ACOXL: variants seen among roughly 807,000 people sequenced by gnomAD.
ACOXL encodes the protein acyl-CoA oxidase like, also known as acyl-coenzyme A oxidase-like protein.
ACOXL carries 70 observed loss-of-function variants against 71.9 expected under a neutral mutation model. The ratio of observed to expected loss-of-function variants is 0.97; its 90% CI spans 0.80 to 1.19. The LOEUF is 1.19. Among genes scored for constraint, ACOXL ranks in the 50% most tolerant of loss-of-function variants. ACOXL has a pLI of 0.00. For synonymous variants in ACOXL, 253 were observed against 281.6 expected (o/e 0.90, Z 1.02); for missense variants, 703 against 736.3 (o/e 0.95, Z 0.52).
intron 10 of ACOXL, among the ~76,000 whole-genome samples, chr2:110,855,344 A>G (rs1693103607): frequency 6.6e-6 from 1 of 152,206 alleles, no homozygotes; most frequent in African/African-American, 2.4e-5. Flanking sequence ...TGTTTTAGAG[A>G]TAAGGGCACT....
chr2:110,945,714 G>A (rs571896494), intron 12 of ACOXL, among the ~76,000 whole-genome samples: 1 of 152,214 alleles, frequency 6.6e-6, no homozygotes, highest in East Asian at 1.9e-4. Context: ...GTCTGTTTTT[G>A]TACCAGTACC....
intron 9 of ACOXL, among the ~76,000 whole-genome samples, chr2:110,815,628 T>C (rs1223054616): frequency 1.3e-5 from 2 of 152,192 alleles, no homozygotes; most frequent in South Asian, 2.1e-4. Context: ...TCCAGATTAT[T>C]ACATGGTTTG....
At chr2:110,895,068 G>C (rs1216547561) in intron 10 of ACOXL, among the ~76,000 whole-genome samples, 2 of 152,194 alleles carry the variant, frequency 1.3e-5, no homozygotes, top group East Asian at 3.9e-4. Context: ...AAAATCAATA[G>C]GTGCTAACAC....
chr2:110,928,552 A>G (rs1028428810), intron 11 of ACOXL, among the ~76,000 whole-genome samples: 1 of 152,220 alleles, frequency 6.6e-6, no homozygotes, highest in Admixed American at 6.5e-5. Flanking sequence ...CTTATTGCCA[A>G]AAAGTCTTGT....
intron 10 of ACOXL, among the ~76,000 whole-genome samples, chr2:110,849,200 C>T (rs763942344): frequency 5.9e-5 from 9 of 152,192 alleles, no homozygotes; most frequent in African/African-American, 1.4e-4. Context: ...GAAAGGCAGG[C>T]GGCATCCCTG....
intron 11 of ACOXL, among the ~76,000 whole-genome samples, chr2:110,923,896 A>G (rs968824382): frequency 9.9e-5 from 15 of 151,618 alleles, no homozygotes; most frequent in African/African-American, 3.6e-4. Context: ...AGAACACACC[A>G]TTGTCATCTA....
chr2:110,930,861 C>T (rs1416820081), intron 11 of ACOXL, among the ~76,000 whole-genome samples: 1 of 152,136 alleles, frequency 6.6e-6, no homozygotes, highest in East Asian at 1.9e-4. Flanking sequence ...TGAGCCCTTC[C>T]CTTGTGAAAC....
At chr2:111,033,512 C>G (rs1300106190) in intron 15 of ACOXL, among the ~76,000 whole-genome samples, 1 of 152,178 alleles carries the variant, frequency 6.6e-6, no homozygotes, top group East Asian at 1.9e-4. Context: ...GTCCTCAGGC[C>G]TGGCTGGAGA....
At chr2:110,784,458 G>T (rs752769236) in intron 2 of ACOXL, among the ~76,000 whole-genome samples, 3 of 152,138 alleles carry the variant, frequency 2.0e-5, no homozygotes, top group Non-Finnish European at 4.4e-5. Context: ...CGAGTCGGTC[G>T]CAGGGTTGCA....
intron 16 of ACOXL, among the ~76,000 whole-genome samples, chr2:111,050,342 A>G (rs2066232350): frequency 6.6e-6 from 1 of 152,062 alleles, no homozygotes; most frequent in Admixed American, 6.6e-5. Flanking sequence ...TTGTCTGGGA[A>G]CCCTGATTTT....
intron 11 of ACOXL, among the ~76,000 whole-genome samples, chr2:110,909,937 G>A (rs1030914273): frequency 1.3e-5 from 2 of 151,934 alleles, no homozygotes; most frequent in Admixed American, 6.6e-5. Flanking sequence ...AAAATTAAAA[G>A]CACTTGCTTC....
intron 12 of ACOXL, among the ~76,000 whole-genome samples, chr2:110,954,507 C>T (rs2061429671): frequency 6.6e-6 from 1 of 152,084 alleles, no homozygotes; most frequent in South Asian, 2.1e-4. Context: ...TTTGTGGCCA[C>T]CCTAGCAATT....
intron 14 of ACOXL, among the ~76,000 whole-genome samples, chr2:111,012,923 A>T (rs1212534587): frequency 6.6e-6 from 1 of 152,230 alleles, no homozygotes; most frequent in African/African-American, 2.4e-5. Context: ...CAAAATCAGT[A>T]GAATAAAGGT....
intron 10 of ACOXL, among the ~76,000 whole-genome samples, chr2:110,886,046 C>G (rs551819913): frequency 3.3e-5 from 5 of 152,144 alleles, no homozygotes; most frequent in Admixed American, 2.6e-4. Flanking sequence ...ATTATTTTGT[C>G]CAGAAGTATA....
At chr2:110,755,590 T>A (rs1248145696) in intron 1 of ACOXL, among the ~76,000 whole-genome samples, 1 of 152,232 alleles carries the variant, frequency 6.6e-6, no homozygotes, top group Non-Finnish European at 1.5e-5. Flanking sequence ...ATTTAGATAT[T>A]ATTATTATGA....
chr2:110,841,948 A>C (rs1464723469), intron 10 of ACOXL, among the ~76,000 whole-genome samples: 1 of 152,108 alleles, frequency 6.6e-6, no homozygotes, highest in Non-Finnish European at 1.5e-5. Context: ...TCCCCTTTGC[A>C]TGTGTCAAAA....
intron 10 of ACOXL, among the ~76,000 whole-genome samples, chr2:110,883,628 A>G (rs1696936796): frequency 6.6e-6 from 1 of 152,150 alleles, no homozygotes; most frequent in Non-Finnish European, 1.5e-5. Flanking sequence ...TTACTTTCCT[A>G]AGCAGTCCAT....
intron 11 of ACOXL, among the ~76,000 whole-genome samples, chr2:110,925,700 T>C (rs1427985773): frequency 6.6e-6 from 1 of 152,222 alleles, no homozygotes; most frequent in Non-Finnish European, 1.5e-5. Flanking sequence ...TGCTTTCTTA[T>C]CATTTGTGTG....
At chr2:110,767,252 G>A (rs1383375591) in intron 1 of ACOXL, among the ~76,000 whole-genome samples, 1 of 152,170 alleles carries the variant, frequency 6.6e-6, no homozygotes, top group Non-Finnish European at 1.5e-5. Flanking sequence ...GTCAGTTTAG[G>A]TTCATTGAGA....
Sources: allele counts gnomAD v4.1 joint callset (sites outside exome capture counted in the v4.1 genomes callset), GRCh38; gene constraint gnomAD v4.1.1; transcripts MANE v1.5; gene names NCBI Gene and HGNC (gene_info 2026-07-23, HGNC 2026-07-21).